Variants in GIGYF2 observed in about 807,000 individuals in gnomAD.
GIGYF2 encodes GRB10 interacting GYF protein 2.
A neutral mutation model predicts 208.1 loss-of-function variants in GIGYF2; 25 were observed. The ratio of observed to expected loss-of-function variants is 0.12; its 90% CI spans 0.09 to 0.17. GIGYF2 has a LOEUF of 0.17. Among genes scored for constraint, GIGYF2 ranks in the 10% least tolerant of loss-of-function variants. The probability of loss-of-function intolerance (pLI) is 1.00; values close to 1 mark genes in which losing one functional copy is unlikely to be tolerated. For synonymous variants in GIGYF2, 534 were observed against 543.8 expected (o/e 0.98, Z 0.25); for missense variants, 1,302 against 1,579.4 (o/e 0.82, Z 2.98).
At chr2:232,791,951 G>A (rs1460472389) in intron 12 of GIGYF2, among the ~76,000 whole-genome samples, 1 of 152,108 alleles carries the variant, frequency 6.6e-6, no homozygotes, top group East Asian at 1.9e-4. Context: ...CACTTTATTA[G>A]GCAATATTAA....
chr2:232,819,850 G>A lies in GIGYF2; in HGVS notation c.2394G>A (p.Arg798=), dbSNP rs1337931911. Reference sequence around the variant, plus strand: ...AGGAAGAGGCTCTGCGTCGCCAGCGGGAGCAAGAAATTGCATTAAGGCGAC... The same window carrying A: ...AGGAAGAGGCTCTGCGTCGCCAGCGAGAGCAAGAAATTGCATTAAGGCGAC... The part of the protein sequence containing the change: ...RKQEEALRRQ[R]EQEIALRRQR... The change falls in exon 21 of 29, where the codon CGG becomes CGA. Residue 798 remains arginine (R), a synonymous_variant. Coordinates refer to ENST00000373563, the MANE Select transcript of GIGYF2 (RefSeq NM_001103146.3). 3 of 1,577,698 alleles carry A rather than the reference G, an allele frequency of 1.9e-6. No individual in the cohort carries two copies. Among genetic ancestry groups the A allele is most frequent in the Non-Finnish European group, 2.6e-6 (3 of 1,162,212 alleles).
At chr2:232,767,267 C>G (rs1305506910) in intron 8 of GIGYF2, 1 of 152,026 alleles carries the variant, frequency 6.6e-6, no homozygotes, top group Non-Finnish European at 1.5e-5. Context: ...TTTCCCTACT[C>G]ACTCAAGTTA....
At chr2:232,763,422 C>T (rs371237894) in intron 8 of GIGYF2, among the ~76,000 whole-genome samples, 1 of 152,078 alleles carries the variant, frequency 6.6e-6, no homozygotes. Flanking sequence ...CTGTGTTTTT[C>T]TATACATATA....
chr2:232,817,363 AC>A (rs1479909396), intron 20 of GIGYF2, among the ~76,000 whole-genome samples: 1 of 152,244 alleles, frequency 6.6e-6, no homozygotes, highest in African/African-American at 2.4e-5. Flanking sequence ...TTTAAAAGTT[AC>A]ATGGGCTTTA....
chr2:232,767,920 A>G (rs1347797502), intron 8 of GIGYF2: 1 of 438,460 alleles, frequency 2.3e-6, no homozygotes, highest in Admixed American at 3.8e-5. Context: ...ATCATACCAC[A>G]TTCTTATAAA....
intron 20 of GIGYF2, among the ~76,000 whole-genome samples, chr2:232,817,662 A>G (rs1485963381): frequency 6.6e-6 from 1 of 152,182 alleles, no homozygotes; most frequent in East Asian, 1.9e-4. Context: ...TGTTGGGCTT[A>G]TTTCACTTAA....
intron 2 of GIGYF2, among the ~76,000 whole-genome samples, chr2:232,717,805 A>C (rs749622053): frequency 6.6e-6 from 1 of 151,882 alleles, no homozygotes; most frequent in Non-Finnish European, 1.5e-5. Context: ...CTTGGGAACA[A>C]ATCAAGTAAG....
chr2:232,753,148 G>A (rs999307237), intron 5 of GIGYF2, among the ~76,000 whole-genome samples: 1 of 146,034 alleles, frequency 6.8e-6, no homozygotes, highest in Non-Finnish European at 1.5e-5. Context: ...TATTGAGACA[G>A]AATCTCACTC....
At chr2:232,797,218 G>A (rs186938970) in intron 14 of GIGYF2, among the ~76,000 whole-genome samples, 1 of 152,268 alleles carries the variant, frequency 6.6e-6, no homozygotes, top group Admixed American at 6.5e-5. Flanking sequence ...GGCACAGAAT[G>A]CTATCTATAA....
At chr2:232,850,875 G>A (rs1275064112) in intron 28 of GIGYF2, among the ~76,000 whole-genome samples, 1 of 152,160 alleles carries the variant, frequency 6.6e-6, no homozygotes, top group African/African-American at 2.4e-5. Flanking sequence ...TTTGCATTAT[G>A]AGGTGACATA....
At chr2:232,754,672 G>A (rs1026611883) in intron 5 of GIGYF2, among the ~76,000 whole-genome samples, 6 of 152,086 alleles carry the variant, frequency 3.9e-5, no homozygotes, top group African/African-American at 1.4e-4. Flanking sequence ...GTAATACCCA[G>A]AGACATTATT....
At chr2:232,833,881 T>TA (rs1701500114) in intron 22 of GIGYF2, among the ~76,000 whole-genome samples, 1 of 140,986 alleles carries the variant, frequency 7.1e-6, no homozygotes, top group South Asian at 2.3e-4. Flanking sequence ...GATTCAAAAC[T>TA]TTTTTTTTTT....
chr2:232,803,682 T>TCCTTCACCAGTACTG (rs1417159519), intron 14 of GIGYF2, among the ~76,000 whole-genome samples: 8 of 94,368 alleles, frequency 8.5e-5, no homozygotes, highest in East Asian at 3.9e-4. Context: ...TTCTTTTTTT[T>TCCTTCACCAGTACTG]TTTTTTTTTT....
chr2:232,788,234 AGAC>A (rs1699974540), intron 9 of GIGYF2: 1 of 155,362 alleles, frequency 6.4e-6, no homozygotes, highest in Admixed American at 6.4e-5. Flanking sequence ...AGATCTGGGT[AGAC>A]ATTATAACAG....
chr2:232,851,168 A>C (rs1397522542), intron 28 of GIGYF2, among the ~76,000 whole-genome samples: 1 of 152,120 alleles, frequency 6.6e-6, no homozygotes, highest in Non-Finnish European at 1.5e-5. Context: ...AAAAAATTTT[A>C]AAAACAGGCA....
At position 232,720,583 on chromosome 2, in the gene GIGYF2, A is replaced by ATATATTTTTT. The variant is rs376956632; in HGVS notation, c.-43-14571_-43-14570insATATTTTTTT. ...CAGTGTAATATATATATATATATAT[A>ATATATTTTTT]TTTTTGTTTGTTTGTTTGTTTGTTT... is the stretch of plus-strand genomic sequence containing the variant. On this transcript the variant is annotated intron_variant, in intron 2 of 28. Coordinates refer to ENST00000373563, the MANE Select transcript of GIGYF2 (RefSeq NM_001103146.3). 2.0e-4 allele frequency among the ~76,000 whole-genome samples: 29 copies of ATATATTTTTT among 144,988 alleles called. No homozygotes were observed. The South Asian group carries it at 3.8e-3, about 19-fold the overall frequency.
At chr2:232,818,039 A>AT (rs1458920226) in intron 20 of GIGYF2, among the ~76,000 whole-genome samples, 15 of 151,768 alleles carry the variant, frequency 9.9e-5, no homozygotes, top group Non-Finnish European at 1.9e-4. Flanking sequence ...TTGTTATTTT[A>AT]TTTTTTTGCT....
chr2:232,824,013 T>A (rs934125295), intron 21 of GIGYF2, among the ~76,000 whole-genome samples: 8 of 152,246 alleles, frequency 5.3e-5, no homozygotes, highest in African/African-American at 1.9e-4. Context: ...TTGATGTCAC[T>A]ATTGAAATTG....
At chr2:232,856,689 C>G in intron 28 of GIGYF2, 104 bp from the exon 29 acceptor site, 1 of 817,910 alleles carries the variant, frequency 1.2e-6, no homozygotes, top group South Asian at 1.3e-5. Context: ...GAAACCCTGT[C>G]TCACAAACAA....
Sources: allele counts gnomAD v4.1 joint callset (sites outside exome capture counted in the v4.1 genomes callset), GRCh38; gene constraint gnomAD v4.1.1; transcripts MANE v1.5; gene names NCBI Gene and HGNC (gene_info 2026-07-23, HGNC 2026-07-21).